CMTM7: variants seen among roughly 807,000 people sequenced by gnomAD.
CMTM7 encodes the protein CKLF like MARVEL transmembrane domain containing 7, also known as CKLF-like MARVEL transmembrane domain-containing protein 7.
Under a neutral mutation model 19.3 loss-of-function variants are expected in CMTM7, and 7 were observed. The observed-to-expected ratio is 0.36, with a 90% CI of 0.21 to 0.68. The LOEUF is 0.68. CMTM7 is among the 30% of genes least tolerant of loss of function. The probability of loss-of-function intolerance (pLI) is 0.60; values close to 1 mark genes in which losing one functional copy is unlikely to be tolerated. For synonymous variants in CMTM7, 87 were observed against 99.3 expected (o/e 0.88, Z 0.74); for missense variants, 193 against 232.6 (o/e 0.83, Z 1.11).
chr3:32,440,836 T>G (rs909163873), intron 1 of CMTM7, among the ~76,000 whole-genome samples: 1 of 152,228 alleles, frequency 6.6e-6, no homozygotes, highest in Admixed American at 6.5e-5. Context: ...TTACACACAT[T>G]GAATCCCGTG....
At chr3:32,415,789 A>G (rs1696251101) in intron 1 of CMTM7, among the ~76,000 whole-genome samples, 1 of 152,186 alleles carries the variant, frequency 6.6e-6, no homozygotes, top group Non-Finnish European at 1.5e-5. Flanking sequence ...ATTTTCTACA[A>G]GGTCTTCATT....
intron 1 of CMTM7, among the ~76,000 whole-genome samples, chr3:32,440,359 T>C (rs1281334165): frequency 6.6e-6 from 1 of 151,710 alleles, no homozygotes; most frequent in East Asian, 1.9e-4. Context: ...TGAGCCAAGA[T>C]CATGCTACTG....
chr3:32,438,597 T>C (rs1181413404), intron 1 of CMTM7, among the ~76,000 whole-genome samples: 1 of 152,114 alleles, frequency 6.6e-6, no homozygotes, highest in African/African-American at 2.4e-5. Context: ...GCACACACCA[T>C]ACTCTGGCTA....
chr3:32,416,361 A>ATTTTTTTTTTTTT (rs58085712), intron 1 of CMTM7, among the ~76,000 whole-genome samples: 10 of 72,414 alleles, frequency 1.4e-4, no homozygotes, highest in Non-Finnish European at 2.5e-4. Context: ...ATCCGGGCTA[A>ATTTTTTTTTTTTT]TTTTTTTTTT....
chr3:32,408,753 G>A (rs1314067813), intron 1 of CMTM7, among the ~76,000 whole-genome samples: 1 of 152,170 alleles, frequency 6.6e-6, no homozygotes, highest in Non-Finnish European at 1.5e-5. Context: ...ATGAGCTACT[G>A]CAGCCCAAAA....
At chr3:32,396,717 G>A (rs1479689737) in intron 1 of CMTM7, among the ~76,000 whole-genome samples, 2 of 152,246 alleles carry the variant, frequency 1.3e-5, no homozygotes, top group Admixed American at 1.3e-4. Context: ...GGAAATCCCT[G>A]TGGTGTTCCC....
chr3:32,395,918 TAA>T lies in CMTM7; in HGVS notation c.159+3854_159+3855del, dbSNP rs201205610. ...TGAATGTATAAACAGCAACTAAAACTAAGTGCTACATTCATACAATTGAATAT... is the reference window on the plus strand; with the variant it reads ...TGAATGTATAAACAGCAACTAAAACTGTGCTACATTCATACAATTGAATAT... On this transcript the variant is annotated intron_variant, in intron 1 of 4. Transcript: ENST00000334983. 9.5e-3 allele frequency among the ~76,000 whole-genome samples: 1,441 copies of T among 152,174 alleles called. 22 individuals are homozygous for T. The highest frequency in any genetic ancestry group is 0.022 in the South Asian group (105 of 4,814).
chr3:32,423,429 A>G (rs1696374924), intron 1 of CMTM7, among the ~76,000 whole-genome samples: 1 of 152,166 alleles, frequency 6.6e-6, no homozygotes, highest in Non-Finnish European at 1.5e-5. Context: ...TGATTCTTAT[A>G]AGCTGCTCAG....
chr3:32,452,153 G>C, intron 3 of CMTM7: 3 of 1,497,410 alleles, frequency 2.0e-6, no homozygotes, highest in Non-Finnish European at 2.7e-6. Flanking sequence ...TGAAGACCGA[G>C]AGGCCTGGCT....
At chr3:32,429,827 C>G (rs573043291) in intron 1 of CMTM7, among the ~76,000 whole-genome samples, 8 of 152,230 alleles carry the variant, frequency 5.3e-5, no homozygotes, top group African/African-American at 1.9e-4. Flanking sequence ...TCTTGATCTC[C>G]TGACCTTGTG....
chr3:32,419,375 T>C (rs1231753121), intron 1 of CMTM7, among the ~76,000 whole-genome samples: 2 of 152,232 alleles, frequency 1.3e-5, no homozygotes, highest in East Asian at 1.9e-4. Flanking sequence ...TATGCCTCTA[T>C]TTCTTTTTCT....
chr3:32,395,009 T>C (rs1389017924), intron 1 of CMTM7, among the ~76,000 whole-genome samples: 2 of 151,948 alleles, frequency 1.3e-5, no homozygotes, highest in Non-Finnish European at 2.9e-5. Context: ...TGACTTTTTT[T>C]TTTTTGAGCG....
At chr3:32,435,896 AAAC>A (rs1696590255) in intron 1 of CMTM7, among the ~76,000 whole-genome samples, 1 of 152,264 alleles carries the variant, frequency 6.6e-6, no homozygotes, top group Non-Finnish European at 1.5e-5. Context: ...TAAGAAAACA[AAAC>A]AAGTGGATTT....
At chr3:32,394,954 C>G (rs927094898) in intron 1 of CMTM7, among the ~76,000 whole-genome samples, 4 of 151,786 alleles carry the variant, frequency 2.6e-5, no homozygotes, top group Non-Finnish European at 5.9e-5. Flanking sequence ...CCTCTGCCTC[C>G]CAAAGCGCTG....
chr3:32,409,765 T>C (rs1022746530), intron 1 of CMTM7, among the ~76,000 whole-genome samples: 1 of 152,196 alleles, frequency 6.6e-6, no homozygotes, highest in Non-Finnish European at 1.5e-5. Flanking sequence ...AGAAAAGAAA[T>C]CATGTTTGGC....
intron 1 of CMTM7, among the ~76,000 whole-genome samples, chr3:32,412,032 A>G (rs1411859190): frequency 2.6e-5 from 4 of 152,222 alleles, no homozygotes; most frequent in Admixed American, 2.6e-4. Flanking sequence ...TTCATAAAGT[A>G]GGCTTTTTGG....
rs1413999314 is a variant in CMTM7, at chr3:32,392,059, G to T, written c.153G>T (p.Ala51=). The T allele has an allele frequency of 4.0e-6, 5 of 1,234,590 alleles. No homozygotes were observed. The highest frequency in any genetic ancestry group is 4.1e-6 in the Non-Finnish European group (4 of 986,896). The allele number at this position is 1,234,590 out of a possible 1,614,324, so 76.5% of individuals were successfully genotyped here. ...PRTHAALLKV[A]QMVTLLIAFI... is the part of the protein sequence containing the mutation. ...CCCACGCGGCCCTGCTGAAAGTGGCGCAAATGGTAAGTGAGCGCGGGGCGC... is the reference window on the plus strand; with the variant it reads ...CCCACGCGGCCCTGCTGAAAGTGGCTCAAATGGTAAGTGAGCGCGGGGCGC... Residue 51 remains alanine, a synonymous_variant, in exon 1 of 5, where the codon GCG becomes GCT. Transcript: ENST00000334983.
chr3:32,445,144 A>G (rs527278780), intron 2 of CMTM7, among the ~76,000 whole-genome samples: 4 of 152,328 alleles, frequency 2.6e-5, no homozygotes, highest in East Asian at 3.9e-4. Context: ...TGTAAACATG[A>G]TCTGCAAATA....
chr3:32,448,438 T>A (rs1318060828), intron 2 of CMTM7, among the ~76,000 whole-genome samples: 1 of 152,232 alleles, frequency 6.6e-6, no homozygotes, highest in South Asian at 2.1e-4. Flanking sequence ...CAGAACTTCA[T>A]GAAGGAATGA....
Sources: gnomAD v4.1 joint callset for allele counts (sites outside exome capture counted in the v4.1 genomes callset) on GRCh38, gnomAD v4.1.1 for gene constraint, MANE v1.5 for transcripts, NCBI Gene and HGNC (gene_info 2026-07-23, HGNC 2026-07-21) for gene names.